Variants in RSPO2 observed in about 807,000 individuals in gnomAD.
RSPO2 encodes R-spondin 2.
Under a neutral mutation model 30.9 loss-of-function variants are expected in RSPO2, and 14 were observed. The ratio of observed to expected loss-of-function variants is 0.45; its 90% CI spans 0.30 to 0.71. The LOEUF is 0.71. Ranked by LOEUF, RSPO2 falls within the 30% of genes least tolerant of loss-of-function variation. RSPO2 has a pLI of 0.08. For missense variants in RSPO2, 264 were observed against 301.9 expected (o/e 0.87, Z 0.93); for synonymous variants, 107 against 96.4 (o/e 1.11, Z -0.64).
intron 3 of RSPO2, among the ~76,000 whole-genome samples, chr8:107,964,485 C>A (rs1342617469): frequency 6.6e-6 from 1 of 152,090 alleles, no homozygotes; most frequent in African/African-American, 2.4e-5. Flanking sequence ...CTCAGGTGAT[C>A]CACCCGCCTC....
rs10530103 is a variant in RSPO2 at position 107,974,847 on chromosome 8, TAC to T, written c.284-14032_284-14031del. On this transcript the variant is annotated intron_variant, in intron 3 of 5. Coordinates refer to ENST00000276659, the MANE Select transcript of RSPO2 (RefSeq NM_178565.5). ...AGGATTGTGAACACACACATACACA[TAC>T]ACACACACACACACACAGGTTAATC... Among the ~76,000 whole-genome samples, 924 of 150,862 alleles carry T rather than the reference TAC, an allele frequency of 6.1e-3. 5 individuals are homozygous for T. Among genetic ancestry groups the T allele is most frequent in the Non-Finnish European group, 9.9e-3 (668 of 67,586 alleles).
At chr8:107,985,827 A>AAC (rs1814607588) in intron 3 of RSPO2, among the ~76,000 whole-genome samples, 1 of 152,196 alleles carries the variant, frequency 6.6e-6, no homozygotes, top group African/African-American at 2.4e-5. Flanking sequence ...AGAATTACTC[A>AAC]GATAGTTGTT....
At chr8:107,923,187 A>C (rs937997063) in intron 5 of RSPO2, among the ~76,000 whole-genome samples, 4 of 152,196 alleles carry the variant, frequency 2.6e-5, no homozygotes, top group African/African-American at 9.6e-5. Context: ...CATCTGACAA[A>C]GGTCTAATAT....
At chr8:108,078,290 T>C (rs976407677) in intron 2 of RSPO2, among the ~76,000 whole-genome samples, 15 of 152,166 alleles carry the variant, frequency 9.9e-5, no homozygotes, top group African/African-American at 3.6e-4. Context: ...CTTAAAAAAT[T>C]ATGCCGTTAT....
At chr8:108,053,362 A>G (rs1180882949) in intron 2 of RSPO2, among the ~76,000 whole-genome samples, 1 of 152,178 alleles carries the variant, frequency 6.6e-6, no homozygotes, top group Admixed American at 6.5e-5. Context: ...AAGAGTTGGA[A>G]ATCCTTCCTC....
chr8:108,082,537 G>A lies in RSPO2; in HGVS notation c.94+8C>T. ...CCCACCACGCACCTTTGGCAGAGAG[G>A]GACCCACCTCGCTTACTGCGTCTCC... On this transcript the variant is annotated splice_region_variant and intron_variant, in intron 2 of 5. Transcript: ENST00000276659. 1.2e-6 allele frequency: 2 copies of A among 1,611,708 alleles called. No homozygotes were observed. Among genetic ancestry groups the A allele is most frequent in the Non-Finnish European group, 1.7e-6 (2 of 1,177,824 alleles).
chr8:107,922,386 T>G (rs565218145), intron 5 of RSPO2, among the ~76,000 whole-genome samples: 3 of 151,920 alleles, frequency 2.0e-5, no homozygotes, highest in African/African-American at 7.2e-5. Flanking sequence ...GGAATACAGC[T>G]AACCAGGGAG....
intron 2 of RSPO2, chr8:108,072,931 T>C (rs1219410867): frequency 6.6e-6 from 1 of 152,206 alleles, no homozygotes; most frequent in African/African-American, 2.4e-5. Flanking sequence ...GTTGCTTACA[T>C]TTTAGGGCAT....
intron 2 of RSPO2, among the ~76,000 whole-genome samples, chr8:108,071,977 A>C (rs1002416223): frequency 2.0e-5 from 3 of 152,114 alleles, no homozygotes; most frequent in Non-Finnish European, 4.4e-5. Context: ...GTTTTTAAAG[A>C]CCATCTATGA....
intron 2 of RSPO2, among the ~76,000 whole-genome samples, chr8:107,998,358 T>C (rs1245319605): frequency 1.3e-5 from 2 of 152,152 alleles, no homozygotes; most frequent in African/African-American, 4.8e-5. Flanking sequence ...AATCCTGTAA[T>C]CATGTATACT....
At chr8:108,069,227 A>ACACACT (rs2130721024) in intron 2 of RSPO2, among the ~76,000 whole-genome samples, 1 of 152,028 alleles carries the variant, frequency 6.6e-6, no homozygotes, top group South Asian at 2.1e-4. Context: ...ACACACACAC[A>ACACACT]CACACTCACA....
chr8:108,047,092 C>A (rs190778217), intron 2 of RSPO2, among the ~76,000 whole-genome samples: 4 of 152,258 alleles, frequency 2.6e-5, no homozygotes, highest in African/African-American at 9.6e-5. Context: ...GCTGAGCTGC[C>A]AGAAAGCCAT....
At chr8:107,918,862 C>T (rs1812063483) in intron 5 of RSPO2, among the ~76,000 whole-genome samples, 1 of 152,058 alleles carries the variant, frequency 6.6e-6, no homozygotes, top group Non-Finnish European at 1.5e-5. Flanking sequence ...AAAAAATATA[C>T]TTCAAAAGAA....
intron 2 of RSPO2, among the ~76,000 whole-genome samples, chr8:108,047,761 G>C (rs1442681046): frequency 1.3e-5 from 2 of 151,708 alleles, no homozygotes; most frequent in Non-Finnish European, 2.9e-5. Context: ...TGAGGCAGGA[G>C]AATTGCTTGA....
At chr8:108,061,769 G>A (rs1026886847) in intron 2 of RSPO2, among the ~76,000 whole-genome samples, 2 of 151,732 alleles carry the variant, frequency 1.3e-5, no homozygotes, top group African/African-American at 4.9e-5. Context: ...TTCCAAAATT[G>A]ACCACATAGT....
intron 2 of RSPO2, among the ~76,000 whole-genome samples, chr8:108,010,061 TAA>T (rs371959510): frequency 6.7e-4 from 97 of 143,800 alleles, no homozygotes; most frequent in African/African-American, 2.3e-3. Context: ...AAAATAAAAA[TAA>T]AAAAAAAAAT....
At chr8:108,015,722 CA>C (rs1272188525) in intron 2 of RSPO2, among the ~76,000 whole-genome samples, 2 of 152,060 alleles carry the variant, frequency 1.3e-5, no homozygotes, top group Non-Finnish European at 2.9e-5. Context: ...ACCGCCCCAC[CA>C]GCCCCACTCC....
chr8:107,963,766 G>A (rs1402792487), intron 3 of RSPO2, among the ~76,000 whole-genome samples: 1 of 151,908 alleles, frequency 6.6e-6, no homozygotes, highest in African/African-American at 2.4e-5. Flanking sequence ...ACCTACTTAA[G>A]TTTACTCAAA....
chr8:107,901,527 C>CTT (rs894022966), intron 5 of RSPO2, among the ~76,000 whole-genome samples: 3 of 152,214 alleles, frequency 2.0e-5, no homozygotes, highest in Non-Finnish European at 2.9e-5. Context: ...TTCTACACAT[C>CTT]TTTACATCTT....
Sources: gnomAD v4.1 joint callset for allele counts (sites outside exome capture counted in the v4.1 genomes callset) on GRCh38, gnomAD v4.1.1 for gene constraint, MANE v1.5 for transcripts, NCBI Gene and HGNC (gene_info 2026-07-23, HGNC 2026-07-21) for gene names.